The following NRG3 variants were observed in gnomAD, a reference collection of about 807,000 sequenced individuals.
NRG3 encodes neuregulin 3, also known as pro-neuregulin-3, membrane-bound isoform.
Under a neutral mutation model 66.9 loss-of-function variants are expected in NRG3, and 31 were observed. That is an observed-to-expected ratio of 0.46 (90% CI 0.35 to 0.63). The LOEUF (loss-of-function observed/expected upper bound fraction) is 0.63, where lower values mean the gene tolerates loss of function less well. NRG3 is among the 20% of genes least tolerant of loss of function. The pLI is 0.00. For synonymous variants in NRG3, 393 were observed against 359.4 expected (o/e 1.09, Z -1.06); for missense variants, 910 against 878.9 (o/e 1.04, Z -0.45).
At chr10:82,740,566 T>A (rs1050527167) in intron 3 of NRG3, among the ~76,000 whole-genome samples, 3 of 152,028 alleles carry the variant, frequency 2.0e-5, no homozygotes, top group South Asian at 4.1e-4. Context: ...GGCACGGTGG[T>A]TCATGCCTAT....
In NRG3 at chr10:82,094,982, A is replaced by G. The variant is rs150109478; in HGVS notation, c.823+218819A>G. ...CACTAAAAGCCCTGACTTGACCCCT[A>G]TGCAATATATTCATGTGGCATAACT... is the stretch of plus-strand genomic sequence containing the variant. On this transcript the variant is annotated intron_variant, in intron 1 of 8. Transcript: ENST00000372141. Among the ~76,000 whole-genome samples, 6 of 152,322 alleles carry G rather than the reference A, an allele frequency of 3.9e-5. No homozygotes were observed. The East Asian group carries it at 1.2e-3, about 29-fold the overall frequency.
Position 82,454,986 on chromosome 10 carries a change from C to G in NRG3, c.953+96118C>G, listed in dbSNP as rs751185714. Among the ~76,000 whole-genome samples, 10 of 152,084 alleles carry G rather than the reference C, an allele frequency of 6.6e-5. No homozygotes were observed. In the East Asian group the frequency reaches 1.9e-3, roughly 29 times the overall value. On this transcript the variant is annotated intron_variant, in intron 2 of 8. Coordinates refer to ENST00000372141, the MANE Select transcript of NRG3 (RefSeq NM_001010848.4). ...ATAATGAGGAAATTGACAGCACAGA[C>G]ACTTTAAGTAATTTAGTAATTTGCC...
intron 3 of NRG3, among the ~76,000 whole-genome samples, chr10:82,794,045 A>C (rs1440663210): frequency 6.6e-6 from 1 of 152,096 alleles, no homozygotes; most frequent in Non-Finnish European, 1.5e-5. Flanking sequence ...GCTGTGAACA[A>C]CACTTTCTAT....
intron 3 of NRG3, among the ~76,000 whole-genome samples, chr10:82,846,068 A>T (rs779862795): frequency 1.3e-5 from 2 of 152,172 alleles, no homozygotes; most frequent in Non-Finnish European, 2.9e-5. Context: ...CCCCGGAGAG[A>T]TGAATGTCCT....
At chr10:82,066,357 C>T (rs537340638) in intron 1 of NRG3, among the ~76,000 whole-genome samples, 67 of 152,032 alleles carry the variant, frequency 4.4e-4, no homozygotes, top group African/African-American at 1.5e-3. Context: ...TACATATGTG[C>T]ATATATTTTG....
chr10:82,397,307 G>A (rs1035512632), intron 2 of NRG3, among the ~76,000 whole-genome samples: 1 of 152,166 alleles, frequency 6.6e-6, no homozygotes, highest in Non-Finnish European at 1.5e-5. Context: ...AATGCTCATC[G>A]GGAAGAAAAA....
chr10:82,223,807 T>C (rs753185057), intron 1 of NRG3, among the ~76,000 whole-genome samples: 5 of 152,092 alleles, frequency 3.3e-5, no homozygotes, highest in Admixed American at 6.6e-5. Flanking sequence ...TGTAGTCAAC[T>C]AGCAGGAGGG....
intron 1 of NRG3, among the ~76,000 whole-genome samples, chr10:82,041,379 A>G (rs150392795): frequency 2.0e-5 from 3 of 152,062 alleles, no homozygotes; most frequent in East Asian, 3.9e-4. Flanking sequence ...GTGAAGGCAC[A>G]TTTTCCCTCC....
In NRG3 at chr10:82,951,527, T is replaced by A; in HGVS notation, c.1113T>A (p.Ile371=). ...VLSISCIIFG[I]VIVGMFCAAF... ...CAATTTCATGTATCATCTTTGGAAT[T>A]GTCATCGTGGGCATGTTCTGTGCAG... Residue 371 remains isoleucine, a synonymous_variant, in exon 5 of 9, where the codon ATT becomes ATA. Transcript: ENST00000372141. The A allele has an allele frequency of 6.2e-7, 1 of 1,614,032 alleles. No homozygotes were observed.
intron 1 of NRG3, among the ~76,000 whole-genome samples, chr10:82,027,192 T>G (rs2062352445): frequency 6.6e-6 from 1 of 152,112 alleles, no homozygotes; most frequent in African/African-American, 2.4e-5. Flanking sequence ...ACCAAAATAC[T>G]GTCTCCTTAT....
At chr10:82,156,133 T>A (rs2071166182) in intron 1 of NRG3, among the ~76,000 whole-genome samples, 1 of 151,686 alleles carries the variant, frequency 6.6e-6, no homozygotes, top group South Asian at 2.1e-4. Flanking sequence ...GTCCTCCTTA[T>A]TAAATTGGAC....
chr10:81,942,482 G>T (rs1453495643), intron 1 of NRG3, among the ~76,000 whole-genome samples: 1 of 152,148 alleles, frequency 6.6e-6, no homozygotes, highest in Non-Finnish European at 1.5e-5. Flanking sequence ...GAAAACAACT[G>T]TTATCAGCCG....
chr10:82,332,204 T>C (rs1370002215), intron 1 of NRG3, among the ~76,000 whole-genome samples: 1 of 152,292 alleles, frequency 6.6e-6, no homozygotes, highest in Non-Finnish European at 1.5e-5. Context: ...AGAATTTCAG[T>C]TGGATACAAA....
intron 2 of NRG3, among the ~76,000 whole-genome samples, chr10:82,524,084 A>G (rs1846455050): frequency 6.6e-6 from 1 of 152,084 alleles, no homozygotes; most frequent in Non-Finnish European, 1.5e-5. Context: ...CCTTGTACAT[A>G]TCTAACAAAC....
intron 2 of NRG3, among the ~76,000 whole-genome samples, chr10:82,643,655 C>T (rs916033554): frequency 1.3e-5 from 2 of 151,994 alleles, no homozygotes; most frequent in South Asian, 2.1e-4. Context: ...TTATATTTGT[C>T]TCCAAAATTT....
chr10:82,294,807 A>G (rs2079966744), intron 1 of NRG3, among the ~76,000 whole-genome samples: 1 of 152,128 alleles, frequency 6.6e-6, no homozygotes. Flanking sequence ...TGTTTCATGT[A>G]CTTGAGGAAT....
chr10:82,518,899 T>A (rs192324729), intron 2 of NRG3, among the ~76,000 whole-genome samples: 1 of 152,290 alleles, frequency 6.6e-6, no homozygotes, highest in Non-Finnish European at 1.5e-5. Context: ...ATGCCTCTCA[T>A]AACACCAAGA....
chr10:82,839,910 A>G (rs1227413800), intron 3 of NRG3, among the ~76,000 whole-genome samples: 1 of 152,110 alleles, frequency 6.6e-6, no homozygotes, highest in Non-Finnish European at 1.5e-5. Flanking sequence ...TATCCCAAGA[A>G]TGTACAGATA....
intron 1 of NRG3, among the ~76,000 whole-genome samples, chr10:82,277,197 G>A (rs188288824): frequency 6.6e-6 from 1 of 151,818 alleles, no homozygotes; most frequent in Non-Finnish European, 1.5e-5. Flanking sequence ...ACCCAGAAAG[G>A]CCTCTAAGTA....
Sources: gnomAD v4.1 joint callset for allele counts (sites outside exome capture counted in the v4.1 genomes callset) on GRCh38, gnomAD v4.1.1 for gene constraint, MANE v1.5 for transcripts, NCBI Gene and HGNC (gene_info 2026-07-23, HGNC 2026-07-21) for gene names.